The following LRP6 variants were observed in gnomAD, a reference collection of about 807,000 sequenced individuals.
The protein encoded by LRP6 is LDL receptor related protein 6, also known as low-density lipoprotein receptor-related protein 6.
LRP6 carries 43 observed loss-of-function variants against 184.1 expected under a neutral mutation model. That is an observed-to-expected ratio of 0.23 (90% CI 0.18 to 0.30). LRP6 has a LOEUF of 0.30. Ranked by LOEUF, LRP6 falls within the 10% of genes least tolerant of loss-of-function variation. The pLI is 1.00. For synonymous variants in LRP6, 719 were observed against 684.9 expected, an observed-to-expected ratio of 1.05 and a Z score of -0.78; for missense variants, 1,571 against 2,005.3, an observed-to-expected ratio of 0.78 and a Z score of 4.14.
chr12:12,220,760 G>A (rs535544229), intron 2 of LRP6, among the ~76,000 whole-genome samples: 10 of 151,882 alleles, frequency 6.6e-5, no homozygotes, highest in East Asian at 1.9e-4. Context: ...CACCACACCC[G>A]GTTAATTTTT....
At chr12:12,171,538 AATAAAT>A (rs1863045120) in intron 7 of LRP6, among the ~76,000 whole-genome samples, 1 of 5,060 alleles carries the variant, frequency 2.0e-4, no homozygotes, top group South Asian at 0.014. Flanking sequence ...AAATAAAATA[AATAAAT>A]AAATAAATAA....
In LRP6 at chr12:12,181,393, G is replaced by T; in HGVS notation, c.1023C>A (p.Arg341=). 6.6e-7 allele frequency: 1 copy of T among 1,505,798 alleles called. No homozygotes were observed. The highest frequency in any genetic ancestry group is 9.2e-7 in the Non-Finnish European group (1 of 1,081,470). 93.3% of individuals were successfully genotyped at this position (1,505,798 alleles called of 1,614,324 possible). The change falls in exon 6 of 23, where the codon CGC becomes CGA. Residue 341 remains arginine, a synonymous_variant. Coordinates refer to ENST00000261349, the MANE Select transcript of LRP6 (RefSeq NM_002336.3). ...LLLARRTDLR[R]ISLDTPDFTD... is the part of the protein sequence containing the mutation. ...TAAAATCTGGTGTATCCAAAGAAAT[G>T]CGTCTCAAGTCTGTCCTTCGAGCTA...
intron 2 of LRP6, among the ~76,000 whole-genome samples, chr12:12,214,257 G>GAAATTACTC (rs1373377992): frequency 3.3e-5 from 5 of 152,060 alleles, no homozygotes; most frequent in Non-Finnish European, 7.4e-5. Context: ...TACTCAACAA[G>GAAATTACTC]AAAAAGGAAA....
chr12:12,135,251 A>G lies in LRP6; in HGVS notation c.3657T>C (p.Leu1219=), dbSNP rs1347441933. The G allele has an allele frequency of 3.1e-6, 5 of 1,613,982 alleles. No homozygotes were observed. The highest frequency in any genetic ancestry group is 4.2e-6 in the Non-Finnish European group (5 of 1,179,970). The part of the protein sequence containing the change: ...QDNGGCSHIC[L]VKGDGTTRCS... ...ACCTTGTAGTACCATCCCCCTTTAC[A>G]AGACAAATATGTGAACAGCCACCAT... The change falls in exon 17 of 23, where the codon CTT becomes CTC. Residue 1219 remains leucine, a synonymous_variant. Transcript: ENST00000261349.
At chr12:12,240,295 C>T (rs748225558) in intron 2 of LRP6, among the ~76,000 whole-genome samples, 11 of 152,116 alleles carry the variant, frequency 7.2e-5, no homozygotes, top group South Asian at 2.1e-4. Context: ...TTTTTATGGC[C>T]GGGCACAGTG....
At position 12,159,984 on chromosome 12, in the gene LRP6, T is replaced by C. The variant is rs750290592; in HGVS notation, c.2280-20A>G. 41 of 1,541,590 alleles carry C rather than the reference T, an allele frequency of 2.7e-5. No homozygotes were observed. Among genetic ancestry groups the C allele is most frequent in the Middle Eastern group, 1.7e-4 (1 of 5,874 alleles). The stretch of plus-strand genomic sequence containing the variant: ...ATAAATCTAAATTCAAAATAATAAA[T>C]ATTTAACATTTCAATTTTTTATTAT... On this transcript the variant is annotated intron_variant, in intron 10 of 22. Coordinates refer to ENST00000261349, the MANE Select transcript of LRP6 (RefSeq NM_002336.3).
intron 12 of LRP6, chr12:12,155,743 G>C: frequency 9.8e-7 from 1 of 1,016,246 alleles, no homozygotes; most frequent in South Asian, 1.3e-5. Context: ...TGAGCTGCTG[G>C]AACCTATTCC....
At chr12:12,214,085 T>A (rs913178967) in intron 2 of LRP6, among the ~76,000 whole-genome samples, 1 of 152,100 alleles carries the variant, frequency 6.6e-6, no homozygotes, top group Non-Finnish European at 1.5e-5. Context: ...GGTCTTTTAG[T>A]CATCTAAACT....
chr12:12,172,620 A>C (rs904396909), intron 7 of LRP6, among the ~76,000 whole-genome samples: 1 of 152,236 alleles, frequency 6.6e-6, no homozygotes, highest in African/African-American at 2.4e-5. Flanking sequence ...TGTTCCAGAC[A>C]ATATCCAAAA....
At chr12:12,261,476 A>G (rs956124812) in intron 1 of LRP6, among the ~76,000 whole-genome samples, 3 of 152,202 alleles carry the variant, frequency 2.0e-5, no homozygotes, top group Non-Finnish European at 4.4e-5. Flanking sequence ...AAAACCTTAA[A>G]ATTTAATAAC....
At chr12:12,145,511 C>T (rs1420209890) in intron 15 of LRP6, among the ~76,000 whole-genome samples, 1 of 148,764 alleles carries the variant, frequency 6.7e-6, no homozygotes, top group African/African-American at 2.5e-5. Context: ...CCTCTCCTCT[C>T]TCCCCTCCCT....
At chr12:12,237,827 T>C (rs371710744) in intron 2 of LRP6, among the ~76,000 whole-genome samples, 3 of 152,162 alleles carry the variant, frequency 2.0e-5, no homozygotes, top group East Asian at 3.8e-4. Flanking sequence ...AGGAGATAAC[T>C]AAATGCAAAA....
At chr12:12,210,452 T>C (rs1207044098) in intron 2 of LRP6, among the ~76,000 whole-genome samples, 1 of 152,136 alleles carries the variant, frequency 6.6e-6, no homozygotes, top group Non-Finnish European at 1.5e-5. Flanking sequence ...AGACCACCAG[T>C]CAATAGAATA....
chr12:12,238,549 A>G (rs2135907025), intron 2 of LRP6, among the ~76,000 whole-genome samples: 1 of 152,262 alleles, frequency 6.6e-6, no homozygotes, highest in Admixed American at 6.5e-5. Flanking sequence ...ATTAAAAAAG[A>G]TAAATGATAA....
At chr12:12,184,850 T>C (rs1487030553) in intron 4 of LRP6, among the ~76,000 whole-genome samples, 1 of 151,944 alleles carries the variant, frequency 6.6e-6, no homozygotes, top group Non-Finnish European at 1.5e-5. Context: ...TTGGAAATTA[T>C]GGAAAGGGAT....
rs1334062234 is a variant in LRP6 at position 12,205,325 on chromosome 12, C to CAAAAAAAA, written c.450-1926_450-1925insTTTTTTTT. 1.3e-3 allele frequency among the ~76,000 whole-genome samples: 33 copies of CAAAAAAAA among 26,246 alleles called. 1 individual carries two copies. The highest frequency in any genetic ancestry group is 3.1e-3 in the African/African-American group (33 of 10,482). 17.2% of individuals were successfully genotyped at this position (26,246 alleles called of 152,430 possible). A position where few individuals can be genotyped will look rare whatever the true frequency, so the allele number is the denominator to read the frequency against. On this transcript the variant is annotated intron_variant, in intron 2 of 22. Coordinates refer to ENST00000261349, the MANE Select transcript of LRP6 (RefSeq NM_002336.3). ...CAACAGAATAAGACTCTGTCTCAAA[C>CAAAAAAAA]AAACAAAAAAAAAAAAAAAAAAAAA... is the stretch of plus-strand genomic sequence containing the variant.
chr12:12,202,611 A>G (rs959069983), intron 3 of LRP6, among the ~76,000 whole-genome samples: 3 of 152,250 alleles, frequency 2.0e-5, no homozygotes, highest in African/African-American at 7.2e-5. Flanking sequence ...ATGCATTACT[A>G]TAGCTGCTTT....
At chr12:12,144,567 G>A (rs1328655660) in intron 15 of LRP6, among the ~76,000 whole-genome samples, 1 of 152,098 alleles carries the variant, frequency 6.6e-6, no homozygotes, top group African/African-American at 2.4e-5. Flanking sequence ...TTTGAGCTAG[G>A]GAGTTTGAGG....
intron 1 of LRP6, among the ~76,000 whole-genome samples, chr12:12,251,456 C>T (rs1447768828): frequency 2.0e-5 from 3 of 151,952 alleles, no homozygotes; most frequent in African/African-American, 7.3e-5. Flanking sequence ...CACCACCTCC[C>T]GGGTTCATGC....
Sources: gnomAD v4.1 joint callset for allele counts (sites outside exome capture counted in the v4.1 genomes callset) on GRCh38, gnomAD v4.1.1 for gene constraint, MANE v1.5 for transcripts, NCBI Gene and HGNC (gene_info 2026-07-23, HGNC 2026-07-21) for gene names.